The following GUCY1A2 variants were observed in gnomAD, a reference collection of about 807,000 sequenced individuals.
The protein encoded by GUCY1A2 is guanylate cyclase 1 soluble subunit alpha 2.
Under a neutral mutation model 63.5 loss-of-function variants are expected in GUCY1A2, and 27 were observed. The observed-to-expected ratio is 0.43, with a 90% CI of 0.31 to 0.59. The LOEUF is 0.59. GUCY1A2 is among the 20% of genes least tolerant of loss of function. The pLI, the probability that GUCY1A2 is intolerant of heterozygous loss-of-function variation, is 0.11. For synonymous variants in GUCY1A2, 364 were observed against 343.5 expected (o/e 1.06, Z -0.66); for missense variants, 768 against 913.3 (o/e 0.84, Z 2.05).
chr11:106,982,090 T>G (rs1361372870), intron 2 of GUCY1A2, among the ~76,000 whole-genome samples: 1 of 152,212 alleles, frequency 6.6e-6, no homozygotes, highest in African/African-American at 2.4e-5. Context: ...TATTCCCATT[T>G]TTAAAATGAG....
intron 4 of GUCY1A2, among the ~76,000 whole-genome samples, chr11:106,916,993 G>T (rs1180591128): frequency 1.4e-5 from 2 of 145,588 alleles, no homozygotes; most frequent in Non-Finnish European, 3.1e-5. Flanking sequence ...GGAGCTAACT[G>T]GGAATACAAG....
chr11:106,687,884 GA>G, intron 7 of GUCY1A2, 128 bp from the exon 8 acceptor site: 2 of 634,608 alleles, frequency 3.2e-6, no homozygotes, highest in Non-Finnish European at 5.6e-6. Flanking sequence ...TCTTTGTATA[GA>G]TGTGGCCTTC....
At chr11:106,704,891 T>C (rs1862881411) in intron 7 of GUCY1A2, among the ~76,000 whole-genome samples, 1 of 150,422 alleles carries the variant, frequency 6.6e-6, no homozygotes, top group African/African-American at 2.4e-5. Flanking sequence ...ATATATGATA[T>C]ATATATTATA....
At chr11:106,841,895 T>C (rs1859203911) in intron 4 of GUCY1A2, among the ~76,000 whole-genome samples, 1 of 151,870 alleles carries the variant, frequency 6.6e-6, no homozygotes, top group Non-Finnish European at 1.5e-5. Context: ...CAAATCCAAC[T>C]ATTTATCATG....
intron 6 of GUCY1A2, among the ~76,000 whole-genome samples, chr11:106,710,179 TTATATATATAA>T (rs1863083682): frequency 4.3e-4 from 9 of 21,084 alleles, no homozygotes; most frequent in African/African-American, 2.7e-3. Context: ...TATAATATAG[TTATATATATAA>T]TATATAGTTA....
rs1243188942 is a variant in GUCY1A2 at position 106,685,359 on chromosome 11, A to G, written c.*2190T>C. 2 of 213,024 alleles carry G rather than the reference A, an allele frequency of 9.4e-6. No homozygotes were observed. Among genetic ancestry groups the G allele is most frequent in the Non-Finnish European group, 1.9e-5 (2 of 105,434 alleles). The allele number at this position is 213,024 out of a possible 1,614,324, so 13.2% of individuals were successfully genotyped here. On this transcript the variant is annotated 3_prime_UTR_variant, in exon 8 of 8. Transcript: ENST00000526355. Reference sequence around the variant, plus strand: ...GGTGGATTTCCAATGATGCTTTTCAAATATGCTTCCCGTAGATATTCTTAA... The same window carrying G: ...GGTGGATTTCCAATGATGCTTTTCAGATATGCTTCCCGTAGATATTCTTAA...
At chr11:106,873,028 T>C (rs771635618) in intron 4 of GUCY1A2, among the ~76,000 whole-genome samples, 3 of 152,232 alleles carry the variant, frequency 2.0e-5, no homozygotes, top group Non-Finnish European at 4.4e-5. Flanking sequence ...TGTTTGGTTT[T>C]CTGATCCTGT....
At chr11:106,761,516 T>C (rs1394394999) in intron 6 of GUCY1A2, among the ~76,000 whole-genome samples, 1 of 152,222 alleles carries the variant, frequency 6.6e-6, no homozygotes, top group Non-Finnish European at 1.5e-5. Context: ...CATTTGGCTC[T>C]AGAATCTGGC....
At chr11:106,996,058 T>C (rs1164473280) in intron 1 of GUCY1A2, among the ~76,000 whole-genome samples, 2 of 152,244 alleles carry the variant, frequency 1.3e-5, no homozygotes, top group African/African-American at 4.8e-5. Context: ...AGAGATATGC[T>C]GTCAACCCTA....
intron 3 of GUCY1A2, among the ~76,000 whole-genome samples, chr11:106,975,363 T>C (rs1353728407): frequency 6.6e-6 from 1 of 152,210 alleles, no homozygotes; most frequent in African/African-American, 2.4e-5. Flanking sequence ...AACACATTTC[T>C]ACTATTTAAT....
At chr11:106,995,259 T>C (rs960373847) in intron 1 of GUCY1A2, among the ~76,000 whole-genome samples, 3 of 152,172 alleles carry the variant, frequency 2.0e-5, no homozygotes, top group African/African-American at 7.2e-5. Flanking sequence ...ATCAAGTAAT[T>C]TGATGTTCAA....
intron 4 of GUCY1A2, among the ~76,000 whole-genome samples, chr11:106,876,708 G>A (rs1859754367): frequency 6.6e-6 from 1 of 152,078 alleles, no homozygotes; most frequent in South Asian, 2.1e-4. Context: ...AGCCTGCTTA[G>A]CAATCCTGTT....
At chr11:106,867,910 A>T (rs1248409274) in intron 4 of GUCY1A2, among the ~76,000 whole-genome samples, 1 of 152,034 alleles carries the variant, frequency 6.6e-6, no homozygotes, top group Non-Finnish European at 1.5e-5. Context: ...TGCATATGGA[A>T]TGACATTTGT....
intron 1 of GUCY1A2, among the ~76,000 whole-genome samples, chr11:106,989,651 GA>G (rs947165843): frequency 2.0e-5 from 3 of 151,492 alleles, no homozygotes; most frequent in East Asian, 1.9e-4. Context: ...CTTCATCATC[GA>G]AAAAAAATCA....
chr11:106,723,424 G>A (rs1334711325), intron 6 of GUCY1A2, among the ~76,000 whole-genome samples: 1 of 152,074 alleles, frequency 6.6e-6, no homozygotes, highest in African/African-American at 2.4e-5. Context: ...TGTCTCCTTT[G>A]CTTAGTACTG....
At chr11:106,747,104 C>T (rs958490753) in intron 6 of GUCY1A2, among the ~76,000 whole-genome samples, 6 of 152,180 alleles carry the variant, frequency 3.9e-5, no homozygotes, top group African/African-American at 4.8e-5. Flanking sequence ...TCTCCTGCCT[C>T]AGCCTCCCAA....
At chr11:106,725,152 CTTTTTTTTTTTTTTTTTTTT>C (rs773251118) in intron 6 of GUCY1A2, among the ~76,000 whole-genome samples, 4 of 22,988 alleles carry the variant, frequency 1.7e-4, no homozygotes, top group Admixed American at 5.4e-4. Context: ...GACATAAATT[CTTTTTTTTTTTTTTTTTTTT>C]TTTTTTTTTT....
In GUCY1A2 at chr11:106,678,003, A is replaced by G. The variant is rs1477137801; in HGVS notation, c.*9546T>C. The stretch of plus-strand genomic sequence containing the variant: ...TTCAGGTCATTGAGTTATATAACAA[A>G]TAAATGAATTTTATGAGTGCCTGGT... On this transcript the variant is annotated 3_prime_UTR_variant, in exon 8 of 8. Transcript: ENST00000526355. 1 of 202,566 alleles carries G rather than the reference A, an allele frequency of 4.9e-6. No individual in the cohort carries two copies. The highest frequency in any genetic ancestry group is 2.3e-5 in the African/African-American group (1 of 43,636). 12.5% of individuals were successfully genotyped at this position (202,566 alleles called of 1,614,324 possible).
chr11:106,675,397 G>A lies in GUCY1A2; in HGVS notation c.*12152C>T. 1 of 198,740 alleles carries A rather than the reference G, an allele frequency of 5.0e-6. No individual in the cohort carries two copies. Among genetic ancestry groups the A allele is most frequent in the East Asian group, 7.7e-5 (1 of 13,004 alleles). The allele number at this position is 198,740 out of a possible 1,614,324, so 12.3% of individuals were successfully genotyped here. The stretch of plus-strand genomic sequence containing the variant: ...CTGAATTCCCTCATAGTCAAAACCT[G>A]CCATGATGATGTGAATTCATTTCCG... On this transcript the variant is annotated 3_prime_UTR_variant, in exon 8 of 8. Transcript: ENST00000526355.
Sources: gnomAD v4.1 joint callset for allele counts (sites outside exome capture counted in the v4.1 genomes callset) on GRCh38, gnomAD v4.1.1 for gene constraint, MANE v1.5 for transcripts, NCBI Gene and HGNC (gene_info 2026-07-23, HGNC 2026-07-21) for gene names.